The following RAPGEF5 variants were observed in gnomAD, a reference collection of about 807,000 sequenced individuals.
RAPGEF5 encodes M-Ras-regulated GEF.
Under a neutral mutation model 125.2 loss-of-function variants are expected in RAPGEF5, and 65 were observed. That is an observed-to-expected ratio of 0.52 (90% CI 0.43 to 0.64). The LOEUF (loss-of-function observed/expected upper bound fraction) is 0.64, where lower values mean the gene tolerates loss of function less well. Ranked by LOEUF, RAPGEF5 falls within the 30% of genes least tolerant of loss-of-function variation. The pLI, the probability that RAPGEF5 is intolerant of heterozygous loss-of-function variation, is 0.00. For synonymous variants in RAPGEF5, 391 were observed against 385.9 expected (o/e 1.01, Z -0.16); for missense variants, 958 against 1,048.1 (o/e 0.91, Z 1.19).
intron 23 of RAPGEF5, among the ~76,000 whole-genome samples, chr7:22,132,384 T>G (rs988335440): frequency 6.6e-6 from 1 of 152,120 alleles, no homozygotes; most frequent in East Asian, 1.9e-4. Flanking sequence ...CTCTCTTTTT[T>G]TTTTTTTGCT....
chr7:22,162,426 C>T lies in RAPGEF5; in HGVS notation c.1399G>A (p.Glu467Lys). Residue 467 changes from glutamate (E) to lysine (K), a missense_variant, in exon 13 of 26, where the codon GAA (glutamate) becomes AAA (lysine). Coordinates refer to ENST00000665637, the MANE Select transcript of RAPGEF5 (RefSeq NM_012294.5). ...AAAAACATTTTTGAATGTTCATCTT[C>T]AGGTAACCAGTCTTTGTACAGAGCA... The part of the protein sequence containing the change: ...WIALYKDWLP[E>K]DEHSKMFLKT... 6.3e-7 allele frequency: 1 copy of T among 1,595,078 alleles called. No homozygotes were observed.
chr7:22,186,362 G>A (rs1047787365), intron 11 of RAPGEF5, among the ~76,000 whole-genome samples: 1 of 152,142 alleles, frequency 6.6e-6, no homozygotes, highest in Non-Finnish European at 1.5e-5. Context: ...GAACTTCGTT[G>A]CATTTGACCA....
At chr7:22,239,829 T>C (rs866061530) in intron 7 of RAPGEF5, among the ~76,000 whole-genome samples, 20 of 152,288 alleles carry the variant, frequency 1.3e-4, no homozygotes, top group Admixed American at 3.9e-4. Flanking sequence ...CTTATCCCAC[T>C]GGCTTGGGGT....
At chr7:22,356,342 C>T in intron 1 of RAPGEF5, 1 of 826,260 alleles carries the variant, frequency 1.2e-6, no homozygotes, top group Non-Finnish European at 1.5e-6. Flanking sequence ...ACTCCTGGGT[C>T]TGCCCCTCGG....
intron 1 of RAPGEF5, among the ~76,000 whole-genome samples, chr7:22,335,874 T>C (rs79633197): frequency 0.077 from 11,779 of 152,234 alleles, 560 homozygotes; most frequent in Non-Finnish European, 0.11. Flanking sequence ...ACTTATAATT[T>C]CTTAAATAAG....
At chr7:22,133,241 G>A (rs1303340216) in intron 23 of RAPGEF5, among the ~76,000 whole-genome samples, 1 of 152,198 alleles carries the variant, frequency 6.6e-6, no homozygotes, top group Non-Finnish European at 1.5e-5. Flanking sequence ...GGTGTCAAGG[G>A]TGCTGGCCAG....
chr7:22,151,785 T>C (rs572517052), intron 17 of RAPGEF5, among the ~76,000 whole-genome samples: 77 of 152,330 alleles, frequency 5.1e-4, no homozygotes, highest in African/African-American at 1.6e-3. Flanking sequence ...TTTGGTAAGT[T>C]TACTATTTTG....
chr7:22,199,902 G>A (rs1379377902), intron 9 of RAPGEF5, among the ~76,000 whole-genome samples: 1 of 152,166 alleles, frequency 6.6e-6, no homozygotes. Flanking sequence ...AAGCTGAAGC[G>A]GAGTGTATCA....
intron 1 of RAPGEF5, among the ~76,000 whole-genome samples, chr7:22,331,344 T>C (rs567811122): frequency 1.3e-5 from 2 of 152,294 alleles, no homozygotes; most frequent in South Asian, 4.2e-4. Context: ...TTCTAAGATA[T>C]GCCCCTCTCC....
intron 1 of RAPGEF5, among the ~76,000 whole-genome samples, chr7:22,347,459 A>G (rs1784244097): frequency 6.6e-6 from 1 of 152,184 alleles, no homozygotes; most frequent in Non-Finnish European, 1.5e-5. Context: ...TTTAAGATAT[A>G]CCATCAATTT....
chr7:22,181,352 C>A (rs1784668208), intron 11 of RAPGEF5, among the ~76,000 whole-genome samples: 2 of 152,176 alleles, frequency 1.3e-5, no homozygotes, highest in Non-Finnish European at 2.9e-5. Context: ...TACATATACT[C>A]ATTCATCTAA....
Position 22,140,096 on chromosome 7 carries a change from G to C in RAPGEF5, c.2206C>G (p.Leu736Val). 2 of 1,560,288 alleles carry C rather than the reference G, an allele frequency of 1.3e-6. No individual in the cohort carries two copies. The highest frequency in any genetic ancestry group is 1.7e-6 in the Non-Finnish European group (2 of 1,151,746). Reference sequence around the variant, plus strand: ...ATCACAATGGCAAAGAAAGAATTCAGGTTTCTCTGGGCTTTGCAGCTATAA... The same window carrying C: ...ATCACAATGGCAAAGAAAGAATTCACGTTTCTCTGGGCTTTGCAGCTATAA... ...IAAHCKAQRN[L>V]NSFFAIVMGL... The change falls in exon 21 of 26, where the codon CTG becomes GTG. Residue 736 changes from leucine (L) to valine (V), a missense_variant. Physicochemically the swap from Leu to Val is conservative, Grantham distance 32. Coordinates refer to ENST00000665637, the MANE Select transcript of RAPGEF5 (RefSeq NM_012294.5).
At chr7:22,333,812 T>C (rs1170177175) in intron 1 of RAPGEF5, among the ~76,000 whole-genome samples, 1 of 152,248 alleles carries the variant, frequency 6.6e-6, no homozygotes, top group Non-Finnish European at 1.5e-5. Flanking sequence ...TGGCACTGTA[T>C]AGGTGCTCTT....
chr7:22,179,326 A>G (rs1392828906), intron 11 of RAPGEF5, among the ~76,000 whole-genome samples: 2 of 152,222 alleles, frequency 1.3e-5, no homozygotes, highest in Admixed American at 6.5e-5. Flanking sequence ...TGAATGATGT[A>G]TAATTCTCAA....
At chr7:22,298,975 T>C (rs531408532) in intron 5 of RAPGEF5, among the ~76,000 whole-genome samples, 18 of 152,276 alleles carry the variant, frequency 1.2e-4, no homozygotes, top group Admixed American at 5.9e-4. Context: ...TATTGGCAAT[T>C]TGTCTTTTTG....
In RAPGEF5 at chr7:22,119,471, C is replaced by G. The variant is rs1215743834; in HGVS notation, c.*2935G>C. ...ATGACAAAGAGCAAATTCAAAACAC[C>G]ACACTCTAGGGAACACCTGCAAATG... On this transcript the variant is annotated 3_prime_UTR_variant, in exon 26 of 26. Coordinates refer to ENST00000665637, the MANE Select transcript of RAPGEF5 (RefSeq NM_012294.5). The surrounding 1 kb of genome is among the most constrained non-coding windows in gnomAD (Gnocchi z 4.1). 6.6e-6 allele frequency: 1 copy of G among 152,108 alleles called. No individual in the cohort carries two copies. Among genetic ancestry groups the G allele is most frequent in the Non-Finnish European group, 1.5e-5 (1 of 68,016 alleles). 9.4% of individuals were successfully genotyped at this position (152,108 alleles called of 1,614,324 possible). A position where few individuals can be genotyped will look rare whatever the true frequency, so the allele number is the denominator to read the frequency against.
At chr7:22,294,921 A>G (rs1783024672) in intron 5 of RAPGEF5, among the ~76,000 whole-genome samples, 1 of 152,246 alleles carries the variant, frequency 6.6e-6, no homozygotes, top group African/African-American at 2.4e-5. Context: ...GTAATTAACA[A>G]AGATATCTAT....
Position 22,150,517 on chromosome 7 carries a change from A to T in RAPGEF5, c.1787-13T>A. On this transcript the variant is annotated splice_polypyrimidine_tract_variant and intron_variant, in intron 17 of 25. Coordinates refer to ENST00000665637, the MANE Select transcript of RAPGEF5 (RefSeq NM_012294.5). Reference sequence around the variant, plus strand: ...AGTTCATGCTTTTCTTTATTTGAAAAAAAAAAAAAAAAAAGGAATAATCAG... The same window carrying T: ...AGTTCATGCTTTTCTTTATTTGAAATAAAAAAAAAAAAAAGGAATAATCAG... 7.8e-7 allele frequency: 1 copy of T among 1,287,988 alleles called. No individual in the cohort carries two copies. Among genetic ancestry groups the T allele is most frequent in the Non-Finnish European group, 1.1e-6 (1 of 943,210 alleles). The allele number at this position is 1,287,988 out of a possible 1,614,324, so 79.8% of individuals were successfully genotyped here. A position where few individuals can be genotyped will look rare whatever the true frequency, so the allele number is the denominator to read the frequency against.
chr7:22,136,008 T>C (rs757542616), intron 23 of RAPGEF5, 30 bp downstream of exon 23: 1 of 1,518,130 alleles, frequency 6.6e-7, no homozygotes, highest in South Asian at 1.2e-5. Context: ...AATATGAAAT[T>C]ACATGGCATA....
Sources: allele counts gnomAD v4.1 joint callset (sites outside exome capture counted in the v4.1 genomes callset), GRCh38; gene constraint gnomAD v4.1.1; non-coding constraint Gnocchi (gnomAD v3.1); transcripts MANE v1.5; gene names NCBI Gene and HGNC (gene_info 2026-07-23, HGNC 2026-07-21).